Variants in ATRNL1 observed in about 807,000 individuals in gnomAD.
The protein encoded by ATRNL1 is attractin like 1, also known as attractin-like protein 1.
Under a neutral mutation model 182.7 loss-of-function variants are expected in ATRNL1, and 95 were observed. That is an observed-to-expected ratio of 0.52 (90% CI 0.44 to 0.62). The LOEUF (loss-of-function observed/expected upper bound fraction) is 0.62. Ranked by LOEUF, ATRNL1 falls within the 20% of genes least tolerant of loss-of-function variation. ATRNL1 has a pLI of 0.00. For missense variants in ATRNL1, 1,471 were observed against 1,679.5 expected (o/e 0.88, Z 2.17); for synonymous variants, 576 against 568.3 (o/e 1.01, Z -0.19).
At chr10:115,349,051 T>A (rs1319083704) in intron 19 of ATRNL1, among the ~76,000 whole-genome samples, 1 of 152,150 alleles carries the variant, frequency 6.6e-6, no homozygotes, top group Non-Finnish European at 1.5e-5. Context: ...GAACACTAGA[T>A]CTTATTCTTT....
intron 28 of ATRNL1, among the ~76,000 whole-genome samples, chr10:115,891,230 G>T (rs1555111181): frequency 6.6e-6 from 1 of 152,134 alleles, no homozygotes; most frequent in African/African-American, 2.4e-5. Context: ...AAGAACATTG[G>T]GAGTGAGGAC....
chr10:115,750,048 A>T (rs554001471), intron 27 of ATRNL1, among the ~76,000 whole-genome samples: 82 of 152,036 alleles, frequency 5.4e-4, no homozygotes, highest in Non-Finnish European at 9.7e-4. Flanking sequence ...TCATTTATAC[A>T]TTTTAAATAG....
rs1009382021 is a variant in ATRNL1 at position 115,795,920 on chromosome 10, T to C, written c.3904-51957T>C. The stretch of plus-strand genomic sequence containing the variant: ...TCCCCCATTCAATCTCCAAAACCCA[T>C]GCTGGGCTGGCTTCTGCCCCACACG... On this transcript the variant is annotated intron_variant, in intron 27 of 28. Transcript: ENST00000355044. Among the ~76,000 whole-genome samples, 4 of 152,100 alleles carry C rather than the reference T, an allele frequency of 2.6e-5. No individual in the cohort carries two copies. In the East Asian group the frequency reaches 7.7e-4, roughly 29 times the overall value.
At chr10:115,134,782 C>T (rs1845426364) in intron 5 of ATRNL1, among the ~76,000 whole-genome samples, 1 of 152,108 alleles carries the variant, frequency 6.6e-6, no homozygotes, top group South Asian at 2.1e-4. Context: ...TGCAAAAATC[C>T]TCAATAAAAT....
At chr10:115,201,356 G>C (rs1337919869) in intron 8 of ATRNL1, among the ~76,000 whole-genome samples, 1 of 151,976 alleles carries the variant, frequency 6.6e-6, no homozygotes, top group Non-Finnish European at 1.5e-5. Flanking sequence ...GGGTTTTTAT[G>C]GTTTTAGGTC....
At chr10:115,726,468 T>G (rs1947600280) in intron 26 of ATRNL1, among the ~76,000 whole-genome samples, 1 of 152,226 alleles carries the variant, frequency 6.6e-6, no homozygotes, top group Non-Finnish European at 1.5e-5. Flanking sequence ...ATCAATTTTT[T>G]TATCATGACT....
chr10:115,937,058 G>C (rs1953582047), intron 28 of ATRNL1, among the ~76,000 whole-genome samples: 1 of 152,190 alleles, frequency 6.6e-6, no homozygotes, highest in Non-Finnish European at 1.5e-5. Flanking sequence ...GTGAGGATTT[G>C]CATTAAAAAC....
chr10:115,580,042 A>G (rs961249740), intron 26 of ATRNL1, among the ~76,000 whole-genome samples: 5 of 152,066 alleles, frequency 3.3e-5, no homozygotes, highest in South Asian at 2.1e-4. Context: ...ACAATTTACA[A>G]CTTCTTATAT....
chr10:115,544,496 G>A (rs1852534570), intron 25 of ATRNL1, among the ~76,000 whole-genome samples: 1 of 152,028 alleles, frequency 6.6e-6, no homozygotes. Flanking sequence ...GTGAAGGGGG[G>A]GCAGGCTTGT....
intron 8 of ATRNL1, among the ~76,000 whole-genome samples, chr10:115,208,753 A>G (rs140675458): frequency 1.4e-4 from 22 of 152,128 alleles, no homozygotes; most frequent in African/African-American, 5.3e-4. Context: ...GCACATGCAG[A>G]TCAGTACTCA....
intron 27 of ATRNL1, among the ~76,000 whole-genome samples, chr10:115,806,333 T>G (rs1949919148): frequency 6.6e-6 from 1 of 152,182 alleles, no homozygotes; most frequent in African/African-American, 2.4e-5. Context: ...TAACTCTATA[T>G]TTTTAGTATC....
intron 5 of ATRNL1, among the ~76,000 whole-genome samples, chr10:115,134,844 A>G (rs1252605140): frequency 6.6e-6 from 1 of 152,170 alleles, no homozygotes; most frequent in Admixed American, 6.5e-5. Context: ...ACCATGATCA[A>G]GTGGGCTTCA....
intron 26 of ATRNL1, among the ~76,000 whole-genome samples, chr10:115,596,990 T>A (rs78332474): frequency 6.6e-6 from 1 of 151,678 alleles, no homozygotes; most frequent in African/African-American, 2.4e-5. Flanking sequence ...CAAAAAAGGT[T>A]AAAAAAAATC....
chr10:115,352,997 C>T (rs1414237094), intron 19 of ATRNL1, among the ~76,000 whole-genome samples: 1 of 152,178 alleles, frequency 6.6e-6, no homozygotes, highest in Non-Finnish European at 1.5e-5. Flanking sequence ...ATGGTCTGTC[C>T]TCAAGAATAT....
intron 18 of ATRNL1, 59 bp downstream of exon 18, chr10:115,315,795 T>G: frequency 2.3e-6 from 3 of 1,321,660 alleles, no homozygotes; most frequent in Non-Finnish European, 3.1e-6. Context: ...AAGAAGGAGT[T>G]TTTGTTCTTA....
At chr10:115,793,759 C>T (rs556815506) in intron 27 of ATRNL1, among the ~76,000 whole-genome samples, 9 of 152,164 alleles carry the variant, frequency 5.9e-5, no homozygotes, top group Admixed American at 1.3e-4. Context: ...TTTAAAACTA[C>T]GATGAATAAG....
chr10:115,721,752 C>T (rs574608408), intron 26 of ATRNL1, among the ~76,000 whole-genome samples: 1 of 152,264 alleles, frequency 6.6e-6, no homozygotes, highest in Non-Finnish European at 1.5e-5. Flanking sequence ...AACCATATCA[C>T]TTATATATGC....
At chr10:115,263,557 T>C (rs1480104344) in intron 10 of ATRNL1, among the ~76,000 whole-genome samples, 1 of 151,846 alleles carries the variant, frequency 6.6e-6, no homozygotes, top group East Asian at 1.9e-4. Flanking sequence ...CATAGGGTAA[T>C]ACCTGCTCCA....
intron 26 of ATRNL1, among the ~76,000 whole-genome samples, chr10:115,699,754 G>A (rs1375745555): frequency 6.6e-6 from 1 of 152,000 alleles, no homozygotes; most frequent in African/African-American, 2.4e-5. Context: ...GGTACATTAC[G>A]TGACTGAGGT....
Sources: allele counts gnomAD v4.1 joint callset (sites outside exome capture counted in the v4.1 genomes callset), GRCh38; gene constraint gnomAD v4.1.1; transcripts MANE v1.5; gene names NCBI Gene and HGNC (gene_info 2026-07-23, HGNC 2026-07-21).